The following RPS27L variants were observed in gnomAD, a reference collection of about 807,000 sequenced individuals.
The protein encoded by RPS27L is ribosomal protein S27 like, also known as ribosomal protein eS27-like.
A neutral mutation model predicts 12.8 loss-of-function variants in RPS27L; 10 were observed. That is an observed-to-expected ratio of 0.78 (90% CI 0.48 to 1.33). The LOEUF is 1.33. Ranked by LOEUF, RPS27L falls within the 40% of genes most tolerant of loss-of-function variation. RPS27L has a pLI of 0.00. For synonymous variants in RPS27L, 26 were observed against 32.3 expected (o/e 0.81, Z 0.66); for missense variants, 81 against 97.4 (o/e 0.83, Z 0.71).
At chr15:63,154,357 G>T in intron 3 of RPS27L, 2 of 321,048 alleles carry the variant, frequency 6.2e-6, no homozygotes, top group Non-Finnish European at 1.1e-5. Context: ...GCTGTCAGAA[G>T]ATATACTCTT....
At chr15:63,156,766 C>A (rs1050168451) in intron 1 of RPS27L, 12 of 590,754 alleles carry the variant, frequency 2.0e-5, no homozygotes, top group African/African-American at 5.7e-5. Flanking sequence ...GTAAGGCAAA[C>A]TTTGTCCTTC....
At position 63,149,876 on chromosome 15, in the gene RPS27L, C is replaced by G. The variant is rs1341122769; in HGVS notation, c.*4156G>C. On this transcript the variant is annotated 3_prime_UTR_variant, in exon 4 of 4. Transcript: ENST00000330964. ...TGGCCTGAGGCAAGGAGTTCAAGAC[C>G]AGCCTGGGCAACATGGCGAAACCCC... 3 of 152,172 alleles carry G rather than the reference C, an allele frequency of 2.0e-5. No homozygotes were observed. The highest frequency in any genetic ancestry group is 4.4e-5 in the Non-Finnish European group (3 of 68,106). 9.4% of individuals were successfully genotyped at this position (152,172 alleles called of 1,614,324 possible).
chr15:63,155,780 GC>G (rs756544318), intron 2 of RPS27L, 49 bp from the exon 3 acceptor site: 1 of 1,113,866 alleles, frequency 9.0e-7, no homozygotes, highest in South Asian at 2.2e-5. Context: ...GAGGAAAACA[GC>G]ACCTGTTCGA....
chr15:63,155,739 A>G lies in RPS27L; in HGVS notation c.116-8T>C, dbSNP rs745343146. 1 of 1,454,672 alleles carries G rather than the reference A, an allele frequency of 6.9e-7. No homozygotes were observed. 90.1% of individuals were successfully genotyped at this position (1,454,672 alleles called of 1,614,324 possible). On this transcript the variant is annotated splice_region_variant and splice_polypyrimidine_tract_variant and intron_variant, in intron 2 of 3. Coordinates refer to ENST00000330964, the MANE Select transcript of RPS27L (RefSeq NM_015920.4). ...TGGTGATCTTGTAGCAACCTAAAAA[A>G]AAAAAAAGGCAATGTTAAAAATGAA...
rs199889329 is a variant in RPS27L, at chr15:63,155,968, A to AT, written c.116-238dup. 2.1e-3 allele frequency among the ~76,000 whole-genome samples: 319 copies of AT among 152,106 alleles called. 1 individual carries two copies. The highest frequency in any genetic ancestry group is 6.4e-3 in the African/African-American group (264 of 41,492). On this transcript the variant is annotated intron_variant, in intron 2 of 3. Transcript: ENST00000330964. ...TATCATTTCAACATGTAATCAATGT[A>AT]TTTTTTTTCTGTGCTACATCGTCAA...
At position 63,151,552 on chromosome 15, in the gene RPS27L, A is replaced by G. The variant is rs2037299405; in HGVS notation, c.*2480T>C. The G allele has an allele frequency of 6.6e-6, 1 of 152,162 alleles. No individual in the cohort carries two copies. The highest frequency in any genetic ancestry group is 1.5e-5 in the Non-Finnish European group (1 of 68,042). The allele number at this position is 152,162 out of a possible 1,614,324, so 9.4% of individuals were successfully genotyped here. On this transcript the variant is annotated 3_prime_UTR_variant, in exon 4 of 4. Coordinates refer to ENST00000330964, the MANE Select transcript of RPS27L (RefSeq NM_015920.4). ...CCCAGCCCTTAGATGTGGTCTTTAA[A>G]GTATAATCCTTTTTTAAAAAATACT...
At position 63,157,301 on chromosome 15, in the gene RPS27L, G is replaced by T. The variant is rs182444800; in HGVS notation, c.6+99C>A. 236 of 1,351,256 alleles carry T rather than the reference G, an allele frequency of 1.7e-4. 2 individuals are homozygous for T. In the African/African-American group the frequency reaches 3.1e-3, roughly 18 times the overall value. The allele number at this position is 1,351,256 out of a possible 1,614,324, so 83.7% of individuals were successfully genotyped here. ...CAACCTGAGCCGCCTCGCCACTCTC[G>T]GACACTACAGGCCCGAGAGGCAGCC... On this transcript the variant is annotated intron_variant, in intron 1 of 3. Coordinates refer to ENST00000330964, the MANE Select transcript of RPS27L (RefSeq NM_015920.4).
In RPS27L at chr15:63,153,813, G is replaced by A. The variant is rs28637229; in HGVS notation, c.*219C>T. Reference sequence around the variant, plus strand: ...ATATACACCATATATATAAATGTATGGCATACTCAAATATATTTTAAAAAA... The same window carrying A: ...ATATACACCATATATATAAATGTATAGCATACTCAAATATATTTTAAAAAA... On this transcript the variant is annotated 3_prime_UTR_variant, in exon 4 of 4. Coordinates refer to ENST00000330964, the MANE Select transcript of RPS27L (RefSeq NM_015920.4). 68,549 of 534,084 alleles carry A rather than the reference G, an allele frequency of 0.13. 6,732 individuals are homozygous for A. Among genetic ancestry groups the A allele is most frequent in the East Asian group, 0.44 (13,630 of 31,252 alleles). The allele number at this position is 534,084 out of a possible 1,614,324, so 33.1% of individuals were successfully genotyped here. A position where few individuals can be genotyped will look rare whatever the true frequency, so the allele number is the denominator to read the frequency against.
chr15:63,155,947 A>C (rs184534752), intron 2 of RPS27L, among the ~76,000 whole-genome samples: 1 of 152,332 alleles, frequency 6.6e-6, no homozygotes, highest in East Asian at 1.9e-4. Context: ...CCAAAATATC[A>C]TTTCAACATG....
chr15:63,153,972 T>G lies in RPS27L; in HGVS notation c.*60A>C. On this transcript the variant is annotated 3_prime_UTR_variant, in exon 4 of 4. Coordinates refer to ENST00000330964, the MANE Select transcript of RPS27L (RefSeq NM_015920.4). ...GGTAAATTAATTAGAATTATGGAAT[T>G]TATGATAAGGCTTTCTGTGAGACAA... is the stretch of plus-strand genomic sequence containing the variant. 1 of 1,367,990 alleles carries G rather than the reference T, an allele frequency of 7.3e-7. No individual in the cohort carries two copies. The allele number at this position is 1,367,990 out of a possible 1,614,324, so 84.7% of individuals were successfully genotyped here.
rs571242295 is a variant in RPS27L at position 63,156,403 on chromosome 15, C to A, written c.115+10G>T. On this transcript the variant is annotated intron_variant, in intron 2 of 3. Coordinates refer to ENST00000330964, the MANE Select transcript of RPS27L (RefSeq NM_015920.4). ...TTCTTTAGTAAAGGAATTAAGATTT[C>A]AAATTTTACCTGGACATTTTACATC... is the stretch of plus-strand genomic sequence containing the variant. 1.1e-4 allele frequency: 159 copies of A among 1,489,024 alleles called. No individual in the cohort carries two copies. The highest frequency in any genetic ancestry group is 1.4e-4 in the Non-Finnish European group (154 of 1,087,186). The allele number at this position is 1,489,024 out of a possible 1,614,324, so 92.2% of individuals were successfully genotyped here.
At position 63,157,407 on chromosome 15, in the gene RPS27L, T is replaced by A. The variant is rs779930871; in HGVS notation, c.-2A>T. ...CCGATGTAAACAACTCACAGGCATGTTGATCCTCTTGCAAGCTCAGCCCTA... is the reference window on the plus strand; with the variant it reads ...CCGATGTAAACAACTCACAGGCATGATGATCCTCTTGCAAGCTCAGCCCTA... On this transcript the variant is annotated 5_prime_UTR_variant, in exon 1 of 4. Transcript: ENST00000330964. The A allele has an allele frequency of 4.3e-6, 7 of 1,614,024 alleles. No individual in the cohort carries two copies. The African/African-American group carries it at 9.3e-5, about 22-fold the overall frequency.
chr15:63,150,750 C>G lies in RPS27L; in HGVS notation c.*3282G>C, dbSNP rs1029614587. ...CCGCCTCCCAGGTTCACGCCATTCT[C>G]CTGCCTCAGCCTCCCAAGTAGCTGG... is the stretch of plus-strand genomic sequence containing the variant. On this transcript the variant is annotated 3_prime_UTR_variant, in exon 4 of 4. Coordinates refer to ENST00000330964, the MANE Select transcript of RPS27L (RefSeq NM_015920.4). 2 of 152,192 alleles carry G rather than the reference C, an allele frequency of 1.3e-5. No individual in the cohort carries two copies. Among genetic ancestry groups the G allele is most frequent in the African/African-American group, 4.8e-5 (2 of 41,426 alleles). 9.4% of individuals were successfully genotyped at this position (152,192 alleles called of 1,614,324 possible). A position where few individuals can be genotyped will look rare whatever the true frequency, so the allele number is the denominator to read the frequency against.
intron 2 of RPS27L, 63 bp from the exon 3 acceptor site, chr15:63,155,794 T>C: frequency 1.1e-6 from 1 of 946,960 alleles, no homozygotes; most frequent in African/African-American, 1.7e-5. Context: ...CTGTTCGACA[T>C]TTCTGGTAAT....
At chr15:63,156,380 C>T (rs954320381) in intron 2 of RPS27L, 33 bp downstream of exon 2, 1 of 1,225,708 alleles carries the variant, frequency 8.2e-7, no homozygotes, top group African/African-American at 1.5e-5. Context: ...CAGAAATTTT[C>T]TTTAGTAAAG....
Position 63,152,486 on chromosome 15 carries a change from ATAT to A in RPS27L, c.*1543_*1545del, listed in dbSNP as rs1207640233. The A allele has an allele frequency of 2.4e-5, 3 of 124,944 alleles. No homozygotes were observed. The highest frequency in any genetic ancestry group is 5.3e-5 in the Non-Finnish European group (3 of 56,262). 7.7% of individuals were successfully genotyped at this position (124,944 alleles called of 1,614,324 possible). On this transcript the variant is annotated 3_prime_UTR_variant, in exon 4 of 4. Transcript: ENST00000330964. Reference sequence around the variant, plus strand: ...CATCTACATATATATGTATATATATATATTTTTTTTTTCTTTTTTTTTTTGAGA... The same window carrying A: ...CATCTACATATATATGTATATATATATTTTTTTTTCTTTTTTTTTTTGAGA...
Position 63,154,000 on chromosome 15 carries a change from C to T in RPS27L, c.*32G>A, listed in dbSNP as rs747251160. 2 of 1,556,332 alleles carry T rather than the reference C, an allele frequency of 1.3e-6. No individual in the cohort carries two copies. Among genetic ancestry groups the T allele is most frequent in the South Asian group, 2.3e-5 (2 of 88,474 alleles). On this transcript the variant is annotated 3_prime_UTR_variant, in exon 4 of 4. Coordinates refer to ENST00000330964, the MANE Select transcript of RPS27L (RefSeq NM_015920.4). ...TGATAAGGCTTTCTGTGAGACAACACAAAATTAAAATTCAGGAAGCTGTTT... is the reference window on the plus strand; with the variant it reads ...TGATAAGGCTTTCTGTGAGACAACATAAAATTAAAATTCAGGAAGCTGTTT...
rs780302691 is a variant in RPS27L at position 63,153,991 on chromosome 15, G to A, written c.*41C>T. 4.0e-5 allele frequency: 60 copies of A among 1,495,996 alleles called. No individual in the cohort carries two copies. The highest frequency in any genetic ancestry group is 4.8e-5 in the Non-Finnish European group (52 of 1,080,560). The allele number at this position is 1,495,996 out of a possible 1,614,324, so 92.7% of individuals were successfully genotyped here. The stretch of plus-strand genomic sequence containing the variant: ...TGGAATTTATGATAAGGCTTTCTGT[G>A]AGACAACACAAAATTAAAATTCAGG... On this transcript the variant is annotated 3_prime_UTR_variant, in exon 4 of 4. Transcript: ENST00000330964.
rs55758419 is a variant in RPS27L at position 63,152,488 on chromosome 15, A to ATTTTTTTTTTTTTTTTTTTTTTTTTT, written c.*1543_*1544insAAAAAAAAAAAAAAAAAAAAAAAAAA. 1 of 141,408 alleles carries ATTTTTTTTTTTTTTTTTTTTTTTTTT rather than the reference A, an allele frequency of 7.1e-6. No individual in the cohort carries two copies. Among genetic ancestry groups the ATTTTTTTTTTTTTTTTTTTTTTTTTT allele is most frequent in the Non-Finnish European group, 1.5e-5 (1 of 65,470 alleles). 8.8% of individuals were successfully genotyped at this position (141,408 alleles called of 1,614,324 possible). On this transcript the variant is annotated 3_prime_UTR_variant, in exon 4 of 4. Coordinates refer to ENST00000330964, the MANE Select transcript of RPS27L (RefSeq NM_015920.4). The stretch of plus-strand genomic sequence containing the variant: ...TCTACATATATATGTATATATATAT[A>ATTTTTTTTTTTTTTTTTTTTTTTTTT]TTTTTTTTTTCTTTTTTTTTTTGAG...
Sources: allele counts gnomAD v4.1 joint callset (sites outside exome capture counted in the v4.1 genomes callset), GRCh38; gene constraint gnomAD v4.1.1; transcripts MANE v1.5; gene names NCBI Gene and HGNC (gene_info 2026-07-23, HGNC 2026-07-21).